Variants in HAP1 observed in about 807,000 individuals in gnomAD.
HAP1 encodes the protein huntingtin associated protein 1.
A neutral mutation model predicts 60.3 loss-of-function variants in HAP1; 59 were observed. The observed-to-expected ratio is 0.98, with a 90% CI of 0.79 to 1.22. The LOEUF (loss-of-function observed/expected upper bound fraction) is 1.22, where lower values mean the gene tolerates loss of function less well. Among genes scored for constraint, HAP1 ranks in the 50% most tolerant of loss-of-function variants. The pLI, the probability that HAP1 is intolerant of heterozygous loss-of-function variation, is 0.00. For synonymous variants in HAP1, 346 were observed against 330.6 expected, an observed-to-expected ratio of 1.05 and a Z score of -0.50; for missense variants, 825 against 785.3, an observed-to-expected ratio of 1.05 and a Z score of -0.60.
chr17:41,732,628 G>A (rs1555591412), intron 2 of HAP1, 91 bp downstream of exon 2: 1 of 1,207,746 alleles, frequency 8.3e-7, no homozygotes, highest in African/African-American at 1.5e-5. Flanking sequence ...GGGCCCCAGA[G>A]AGACTGCCAA....
rs529641398 is a variant in HAP1 at position 41,723,659 on chromosome 17, G to C, written c.*1042C>G. 3 of 152,818 alleles carry C rather than the reference G, an allele frequency of 2.0e-5. No individual in the cohort carries two copies. The highest frequency in any genetic ancestry group is 1.3e-4 in the Admixed American group (2 of 15,304). The allele number at this position is 152,818 out of a possible 1,614,324, so 9.5% of individuals were successfully genotyped here. ...ACGGAAAGTCGCCATTGATAATTAT[G>C]CAGGTTGCCCCCTGCATGCGCCATA... is the stretch of plus-strand genomic sequence containing the variant. On this transcript the variant is annotated 3_prime_UTR_variant, in exon 11 of 11. Transcript: ENST00000347901.
rs1282272038 is a variant in HAP1 at position 41,734,619 on chromosome 17, A to G, written c.16T>C (p.Leu6=). ...CGGCTCCCCGCGCAGCACCGGCCCA[A>G]CCTCTTCGGGCGCATCTCGAGTCTG... MRPKR[L]GRCCAGSRLG... is the part of the protein sequence containing the mutation. The change falls in exon 1 of 11, where the codon TTG becomes CTG. Residue 6 remains leucine (L), a synonymous_variant. Coordinates refer to ENST00000347901, the MANE Select transcript of HAP1 (RefSeq NM_177977.3). The G allele has an allele frequency of 1.3e-6, 2 of 1,541,534 alleles. No homozygotes were observed. The highest frequency in any genetic ancestry group is 1.7e-6 in the Non-Finnish European group (2 of 1,145,532).
downstream of HAP1, chr17:41,717,944 A>G (rs1364665815): frequency 2.1e-6 from 1 of 466,524 alleles, no homozygotes; most frequent in Non-Finnish European, 4.5e-6. Flanking sequence ...TGTTGACACC[A>G]TTACCTTGAG....
chr17:41,734,410 T>A lies in HAP1; in HGVS notation c.225A>T (p.Gly75=). The change falls in exon 1 of 11, where the codon GGA becomes GGT. Residue 75 remains glycine, a synonymous_variant. Transcript: ENST00000347901. ...RTGARPASEA[G]AKAGARRPSA... is the part of the protein sequence containing the mutation. Reference sequence around the variant, plus strand: ...ACGGGCGCCGGGCTCCTGCCTTGGCTCCAGCCTCCGAGGCCGGGCGAGCTC... The same window carrying A: ...ACGGGCGCCGGGCTCCTGCCTTGGCACCAGCCTCCGAGGCCGGGCGAGCTC... The A allele has an allele frequency of 6.2e-7, 1 of 1,607,930 alleles. No homozygotes were observed. The highest frequency in any genetic ancestry group is 8.5e-7 in the Non-Finnish European group (1 of 1,176,152).
At chr17:41,729,535 G>A (rs1911960244) in intron 6 of HAP1, among the ~76,000 whole-genome samples, 1 of 91,626 alleles carries the variant, frequency 1.1e-5, no homozygotes, top group Admixed American at 1.4e-4. Flanking sequence ...GGGTTACAGA[G>A]GGAGCCTCCT....
rs1912548405 is a variant in HAP1 at position 41,734,459 on chromosome 17, T to C, written c.176A>G (p.Gln59Arg). ...RVGSRATSGS[Q>R]FLSEARTGAR... ...TCCGGTGCGGGCTTCCGAGAGGAACTGGGATCCAGAGGTGGCTCGGGATCC... is the reference window on the plus strand; with the variant it reads ...TCCGGTGCGGGCTTCCGAGAGGAACCGGGATCCAGAGGTGGCTCGGGATCC... The change falls in exon 1 of 11, where the codon CAG becomes CGG. Residue 59 changes from glutamine to arginine, a missense_variant. Coordinates refer to ENST00000347901, the MANE Select transcript of HAP1 (RefSeq NM_177977.3). 1 of 1,610,002 alleles carries C rather than the reference T, an allele frequency of 6.2e-7. No individual in the cohort carries two copies. The highest frequency in any genetic ancestry group is 8.5e-7 in the Non-Finnish European group (1 of 1,177,740).
Position 41,725,164 on chromosome 17 carries a change from A to T in HAP1, c.1407-10T>A. On this transcript the variant is annotated splice_polypyrimidine_tract_variant and intron_variant, in intron 10 of 10. Transcript: ENST00000347901. Reference sequence around the variant, plus strand: ...GTAGCGAAAATCATACCTGGGCGGGAGATAGCGACATCTTTTGAGGGGCTG... The same window carrying T: ...GTAGCGAAAATCATACCTGGGCGGGTGATAGCGACATCTTTTGAGGGGCTG... 6.4e-7 allele frequency: 1 copy of T among 1,558,652 alleles called. No individual in the cohort carries two copies. Among genetic ancestry groups the T allele is most frequent in the South Asian group, 1.2e-5 (1 of 82,878 alleles).
At chr17:41,728,461 G>A (rs1911867025) in intron 6 of HAP1, 130 bp from the exon 7 acceptor site, 8 of 733,762 alleles carry the variant, frequency 1.1e-5, no homozygotes, top group Non-Finnish European at 1.8e-5. Flanking sequence ...GCAGGGCTTT[G>A]CATTCCTCAC....
At position 41,732,218 on chromosome 17, in the gene HAP1, C is replaced by T. The variant is rs1007634177; in HGVS notation, c.714+12G>A. The T allele has an allele frequency of 6.2e-7, 1 of 1,612,774 alleles. No homozygotes were observed. The highest frequency in any genetic ancestry group is 8.5e-7 in the Non-Finnish European group (1 of 1,179,460). ...AGATTGGCCCGCTATCCTCTCCTCC[C>T]CACCCGGTTACCTCCTCCTTGGCTG... is the stretch of plus-strand genomic sequence containing the variant. On this transcript the variant is annotated intron_variant, in intron 3 of 10. Coordinates refer to ENST00000347901, the MANE Select transcript of HAP1 (RefSeq NM_177977.3).
intron 6 of HAP1, among the ~76,000 whole-genome samples, chr17:41,729,891 T>C (rs548829850): frequency 7.3e-6 from 1 of 136,798 alleles, no homozygotes; most frequent in South Asian, 2.4e-4. Context: ...AAAAAAAAAT[T>C]TGCCAGGCGT....
chr17:41,732,572 G>T, intron 2 of HAP1, 147 bp downstream of exon 2: 1 of 967,448 alleles, frequency 1.0e-6, no homozygotes, highest in Non-Finnish European at 1.6e-6. Flanking sequence ...CTTCCAGCCT[G>T]AACATCCCAC....
downstream of HAP1, among the ~76,000 whole-genome samples, chr17:41,719,996 T>G (rs1911134258): frequency 1.3e-5 from 2 of 150,476 alleles, no homozygotes; most frequent in South Asian, 4.2e-4. Flanking sequence ...TTCATGCCAT[T>G]CTCCTGCCTC....
At chr17:41,731,814 AG>A in intron 4 of HAP1, 71 bp from the exon 5 acceptor site, 2 of 1,141,832 alleles carry the variant, frequency 1.8e-6, no homozygotes, top group Non-Finnish European at 2.6e-6. Flanking sequence ...ACCAGGGCTA[AG>A]GGCAGTGTTC....
intron 6 of HAP1, among the ~76,000 whole-genome samples, chr17:41,729,320 G>A (rs1490053643): frequency 1.3e-5 from 2 of 150,106 alleles, no homozygotes; most frequent in African/African-American, 2.4e-5. Context: ...GAGGCTGAGG[G>A]GGATGGATCG....
At position 41,727,081 on chromosome 17, in the gene HAP1, T is replaced by C; in HGVS notation, c.1339A>G (p.Ile447Val). The C allele has an allele frequency of 6.3e-7, 1 of 1,580,772 alleles. No homozygotes were observed. The highest frequency in any genetic ancestry group is 1.3e-5 in the African/African-American group (1 of 74,604). ...EELRTSLRRMISDPVYFMERN... is the reference protein window; with the variant it reads ...EELRTSLRRMVSDPVYFMERN... ...TCCATAAAATACACAGGGTCTGAGA[T>C]CATCCTCCTTAGAGACGTTCTGAGC... The change falls in exon 9 of 11, where the codon ATC becomes GTC. Residue 447 changes from isoleucine to valine, a missense_variant. Ile to Val is a conservative substitution (Grantham distance 29). Transcript: ENST00000347901.
Position 41,734,386 on chromosome 17 carries a change from C to A in HAP1, c.249G>T (p.Pro83=), listed in dbSNP as rs782695272. 15 of 1,605,102 alleles carry A rather than the reference C, an allele frequency of 9.3e-6. No homozygotes were observed. The highest frequency in any genetic ancestry group is 1.3e-5 in the Non-Finnish European group (15 of 1,173,856). The change falls in exon 1 of 11, where the codon CCG becomes CCT. Residue 83 remains proline (P), a synonymous_variant. Transcript: ENST00000347901. ...EAGAKAGARR[P]SAFSAIQGDV... is the part of the protein sequence containing the mutation. ...CCCCTTGGATGGCCGAGAATGCGGA[C>A]GGGCGCCGGGCTCCTGCCTTGGCTC...
At chr17:41,718,077 G>A (rs1911052731), downstream of HAP1, 2 of 453,810 alleles carry the variant, frequency 4.4e-6, no homozygotes, top group Non-Finnish European at 9.4e-6. Flanking sequence ...TTATTAACAT[G>A]TGTATCACAC....
At chr17:41,722,336 G>A (rs1911256606), downstream of HAP1, 2 of 152,218 alleles carry the variant, frequency 1.3e-5, no homozygotes, top group South Asian at 4.1e-4. Flanking sequence ...ATCTTTCACA[G>A]CCAGGCCACT....
chr17:41,733,038 G>GTTTTTTTTTTTTTTTTTTTGTTTT (rs10679002), intron 1 of HAP1, among the ~76,000 whole-genome samples: 1 of 107,216 alleles, frequency 9.3e-6, no homozygotes, highest in Non-Finnish European at 1.8e-5. Context: ...GTTTTTTTTG[G>GTTTTTTTTTTTTTTTTTTTGTTTT]TTTTTTTTTT....
Sources: gnomAD v4.1 joint callset for allele counts (sites outside exome capture counted in the v4.1 genomes callset) on GRCh38, gnomAD v4.1.1 for gene constraint, MANE v1.5 for transcripts, NCBI Gene and HGNC (gene_info 2026-07-23, HGNC 2026-07-21) for gene names.